The following TNRC6C variants were observed in gnomAD, a reference collection of about 807,000 sequenced individuals.
TNRC6C encodes the protein trinucleotide repeat-containing gene 6C protein.
In TNRC6C, 20 loss-of-function variants were observed where a neutral mutation model predicts 153.7. That is an observed-to-expected ratio of 0.13 (90% confidence interval 0.09 to 0.19). TNRC6C has a LOEUF of 0.19. Ranked by LOEUF, TNRC6C falls within the 10% of genes least tolerant of loss-of-function variation. The probability of loss-of-function intolerance (pLI) is 1.00; values close to 1 mark genes in which losing one functional copy is unlikely to be tolerated. For missense variants in TNRC6C, 1,987 were observed against 2,172.0 expected, an observed-to-expected ratio of 0.91 and a Z score of 1.69; for synonymous variants, 811 against 841.4, an observed-to-expected ratio of 0.96 and a Z score of 0.63.
chr17:77,972,774 C>T (rs943205572), intron 1 of TNRC6C, among the ~76,000 whole-genome samples: 2 of 152,144 alleles, frequency 1.3e-5, no homozygotes, highest in Non-Finnish European at 2.9e-5. Flanking sequence ...TTCTGTCAAA[C>T]ACATAGAACT....
At chr17:77,959,562 G>T (rs1160566929) in intron 1 of TNRC6C, among the ~76,000 whole-genome samples, 1 of 152,188 alleles carries the variant, frequency 6.6e-6, no homozygotes, top group Non-Finnish European at 1.5e-5. Flanking sequence ...TAAAACTCAT[G>T]CAGCGGTGAA....
At chr17:77,995,321 C>T (rs1029153349) in intron 1 of TNRC6C, among the ~76,000 whole-genome samples, 1 of 152,182 alleles carries the variant, frequency 6.6e-6, no homozygotes, top group Admixed American at 6.5e-5. Flanking sequence ...CTGGAGTGTG[C>T]CTGCAGGATC....
At chr17:77,982,168 A>G (rs1445583098) in intron 1 of TNRC6C, among the ~76,000 whole-genome samples, 1 of 152,138 alleles carries the variant, frequency 6.6e-6, no homozygotes, top group East Asian at 1.9e-4. Context: ...CTGGTCTTGG[A>G]GGGTCTATAG....
In TNRC6C at chr17:78,009,239, A is replaced by C. The variant is rs185889342; in HGVS notation, c.-546+4160A>C. ...GGTTTTATGACCATAATGAGTAATCAGTTTTCTTTATTTTTGGCACTGCCC... is the reference window on the plus strand; with the variant it reads ...GGTTTTATGACCATAATGAGTAATCCGTTTTCTTTATTTTTGGCACTGCCC... On this transcript the variant is annotated intron_variant, in intron 1 of 19. Transcript: ENST00000301624. 2.2e-3 allele frequency among the ~76,000 whole-genome samples: 341 copies of C among 152,206 alleles called. 5 individuals carry two copies. The highest frequency in any genetic ancestry group is 0.019 in the Admixed American group (297 of 15,292).
upstream of TNRC6C, among the ~76,000 whole-genome samples, chr17:78,001,424 A>G (rs2071410230): frequency 6.6e-6 from 1 of 152,206 alleles, no homozygotes; most frequent in Non-Finnish European, 1.5e-5. Flanking sequence ...AGAGCTGGAT[A>G]GGACAGCTGG....
chr17:78,041,116 A>G (rs1417865326), intron 2 of TNRC6C: 1 of 152,350 alleles, frequency 6.6e-6, no homozygotes, highest in Non-Finnish European at 1.5e-5. Context: ...CACCGTCTGC[A>G]GGTATTTCCT....
chr17:78,032,491 C>A (rs115124596), intron 2 of TNRC6C, among the ~76,000 whole-genome samples: 2 of 152,150 alleles, frequency 1.3e-5, no homozygotes, highest in Non-Finnish European at 2.9e-5. Flanking sequence ...TTGAAAAATT[C>A]ATGTACTGTA....
rs1254816641 is a variant in TNRC6C at position 78,052,900 on chromosome 17, A to G, written c.2395+1443A>G. ...TCCGTGGGCTGCACCTAGTCCCACA[A>G]ATGTGCCTTTTTGGCCCACATTTTT... On this transcript the variant is annotated intron_variant, in intron 3 of 19. Transcript: ENST00000301624. Among the ~76,000 whole-genome samples the G allele has an allele frequency of 2.6e-5, 4 of 152,182 alleles. 1 individual carries two copies. The highest frequency in any genetic ancestry group is 2.0e-4 in the Admixed American group (3 of 15,284).
At chr17:78,074,161 G>A (rs2073045481) in intron 7 of TNRC6C, among the ~76,000 whole-genome samples, 1 of 152,030 alleles carries the variant, frequency 6.6e-6, no homozygotes, top group African/African-American at 2.4e-5. Flanking sequence ...CACCACACAG[G>A]GGGACCATTT....
chr17:78,037,512 TG>T (rs111825956), intron 2 of TNRC6C, among the ~76,000 whole-genome samples: 5,360 of 152,082 alleles, frequency 0.035, 205 homozygotes, highest in African/African-American at 0.094. Context: ...GCCTTTCTGG[TG>T]GAGGTGATAT....
intron 1 of TNRC6C, among the ~76,000 whole-genome samples, chr17:77,973,822 A>G (rs568760941): frequency 3.9e-5 from 6 of 152,344 alleles, no homozygotes; most frequent in African/African-American, 1.4e-4. Context: ...AACATTGCTG[A>G]GAGAAATTAA....
chr17:78,108,393 C>G (rs941882166), exon 20 of TNRC6C: 9 of 154,910 alleles, frequency 5.8e-5, no homozygotes, highest in African/African-American at 2.2e-4. Flanking sequence ...GAATGAAACT[C>G]AAAATGCACT....
chr17:78,035,383 A>C (rs1488025541), intron 2 of TNRC6C, among the ~76,000 whole-genome samples: 1 of 152,186 alleles, frequency 6.6e-6, no homozygotes, highest in East Asian at 1.9e-4. Context: ...AGAGATTCCT[A>C]ATTTTGAAGA....
chr17:78,023,929 G>A (rs796959306), intron 1 of TNRC6C, among the ~76,000 whole-genome samples: 9 of 152,170 alleles, frequency 5.9e-5, no homozygotes, highest in African/African-American at 1.9e-4. Flanking sequence ...GGCCGACATG[G>A]TGAAACCCCA....
At chr17:78,106,522 T>TAAAAAAAA (rs113939739) in exon 20 of TNRC6C, 4 of 92,618 alleles carry the variant, frequency 4.3e-5, no homozygotes, top group Admixed American at 2.4e-4. Flanking sequence ...AGATGTTATT[T>TAAAAAAAA]AAAAAAAAAA....
At chr17:78,052,308 C>T (rs990195494) in intron 3 of TNRC6C, among the ~76,000 whole-genome samples, 1 of 152,158 alleles carries the variant, frequency 6.6e-6, no homozygotes, top group Non-Finnish European at 1.5e-5. Context: ...ACTGACTTGA[C>T]TGGGGCCCCT....
chr17:77,996,792 AG>A (rs2071335204), intron 1 of TNRC6C, among the ~76,000 whole-genome samples: 1 of 152,164 alleles, frequency 6.6e-6, no homozygotes, highest in East Asian at 1.9e-4. Context: ...ACTGTGGCCC[AG>A]GGGATGCTGT....
intron 1 of TNRC6C, among the ~76,000 whole-genome samples, chr17:77,977,888 C>G (rs2071022762): frequency 6.8e-6 from 1 of 146,682 alleles, no homozygotes; most frequent in East Asian, 2.0e-4. Flanking sequence ...TTCTTTAAAA[C>G]CTCTTTTTTT....
At chr17:77,960,882 C>G (rs1187427779) in intron 1 of TNRC6C, among the ~76,000 whole-genome samples, 1 of 152,168 alleles carries the variant, frequency 6.6e-6, no homozygotes, top group Non-Finnish European at 1.5e-5. Flanking sequence ...ACAGTTGTAA[C>G]TTTACCTATA....
Sources: allele counts gnomAD v4.1 joint callset (sites outside exome capture counted in the v4.1 genomes callset), GRCh38; gene constraint gnomAD v4.1.1; transcripts MANE v1.5; gene names NCBI Gene and HGNC (gene_info 2026-07-23, HGNC 2026-07-21).